Variants in IMMP2L observed in about 807,000 individuals in gnomAD.
IMMP2L encodes the protein mitochondrial inner membrane protease subunit 2.
A neutral mutation model predicts 19.3 loss-of-function variants in IMMP2L; 18 were observed. The ratio of observed to expected loss-of-function variants is 0.93; its 90% CI spans 0.64 to 1.38. The LOEUF (loss-of-function observed/expected upper bound fraction) is 1.38. Among genes scored for constraint, IMMP2L ranks in the 40% most tolerant of loss-of-function variants. IMMP2L has a pLI of 0.00. For synonymous variants in IMMP2L, 76 were observed against 73.0 expected, an observed-to-expected ratio of 1.04 and a Z score of -0.21; for missense variants, 233 against 218.2, an observed-to-expected ratio of 1.07 and a Z score of -0.43.
chr7:110,730,715 C>T (rs1481039670), intron 5 of IMMP2L, among the ~76,000 whole-genome samples: 1 of 151,920 alleles, frequency 6.6e-6, no homozygotes, highest in Non-Finnish European at 1.5e-5. Context: ...TCAGTAGAGA[C>T]GGGGTTTCAC....
Position 111,049,420 on chromosome 7 carries a change from C to T in IMMP2L, c.240-85855G>A, listed in dbSNP as rs915839466. On this transcript the variant is annotated intron_variant, in intron 3 of 5. Coordinates refer to ENST00000405709, the MANE Select transcript of IMMP2L (RefSeq NM_032549.4). ...TGCTGGGATTACAGGCGTGAGCCAC[C>T]GCGCCCGGCCGATTTTTATGATACT... Among the ~76,000 whole-genome samples the T allele has an allele frequency of 2.0e-5, 3 of 151,880 alleles. No individual in the cohort carries two copies. In the South Asian group the frequency reaches 6.3e-4, roughly 32 times the overall value.
chr7:110,848,168 G>A (rs1563022054), intron 5 of IMMP2L, among the ~76,000 whole-genome samples: 5 of 152,062 alleles, frequency 3.3e-5, no homozygotes. Flanking sequence ...ATGTCTGATA[G>A]AGAACTATTA....
In IMMP2L at chr7:110,925,039, T is replaced by C. The variant is rs149609692; in HGVS notation, c.306-38344A>G. Among the ~76,000 whole-genome samples the C allele has an allele frequency of 9.1e-4, 138 of 152,274 alleles. 2 individuals are homozygous for C. The highest frequency in any genetic ancestry group is 3.2e-3 in the African/African-American group (133 of 41,568). ...AAGAAAGATGTTCTTTTGAAACTTG[T>C]ATTGCTGGGGTGAAAAATGGAATCG... On this transcript the variant is annotated intron_variant, in intron 4 of 5. Transcript: ENST00000405709.
intron 3 of IMMP2L, among the ~76,000 whole-genome samples, chr7:111,050,143 C>T (rs2129572715): frequency 6.6e-6 from 1 of 152,312 alleles, no homozygotes; most frequent in East Asian, 1.9e-4. Context: ...AATAGGCATT[C>T]AATAAGCACT....
At chr7:110,823,688 A>T (rs1302939765) in intron 5 of IMMP2L, among the ~76,000 whole-genome samples, 1 of 152,068 alleles carries the variant, frequency 6.6e-6, no homozygotes, top group African/African-American at 2.4e-5. Context: ...ATATTTACTT[A>T]TTTGTCCTAG....
chr7:111,015,567 A>G (rs1456332719), intron 3 of IMMP2L, among the ~76,000 whole-genome samples: 1 of 152,152 alleles, frequency 6.6e-6, no homozygotes, highest in East Asian at 1.9e-4. Context: ...TTTTCACCAC[A>G]ATAGAAAAAA....
intron 3 of IMMP2L, among the ~76,000 whole-genome samples, chr7:111,351,957 G>A (rs114814050): frequency 0.013 from 1,995 of 152,260 alleles, 44 homozygotes; most frequent in African/African-American, 0.046. Context: ...TGAAAAAGAT[G>A]TTCATCTACT....
intron 3 of IMMP2L, among the ~76,000 whole-genome samples, chr7:111,451,276 G>T (rs539044642): frequency 0.014 from 2,113 of 149,392 alleles, 51 homozygotes; most frequent in African/African-American, 0.05. Flanking sequence ...TGTTTATTGC[G>T]GCATTATTCA....
At chr7:111,101,706 G>T (rs1012594546) in intron 3 of IMMP2L, among the ~76,000 whole-genome samples, 1 of 151,480 alleles carries the variant, frequency 6.6e-6, no homozygotes, top group Non-Finnish European at 1.5e-5. Flanking sequence ...AGAAGACTGA[G>T]AAGAGGGTAT....
chr7:111,336,900 T>C (rs996392976), intron 3 of IMMP2L, among the ~76,000 whole-genome samples: 2 of 151,940 alleles, frequency 1.3e-5, no homozygotes, highest in African/African-American at 4.8e-5. Context: ...GTAAAGTGGC[T>C]TAACAGAAAC....
intron 5 of IMMP2L, among the ~76,000 whole-genome samples, chr7:110,732,780 C>T (rs1267045344): frequency 6.6e-6 from 1 of 151,596 alleles, no homozygotes; most frequent in Non-Finnish European, 1.5e-5. Flanking sequence ...AAGGCTCAAG[C>T]ACAATGAATT....
intron 5 of IMMP2L, among the ~76,000 whole-genome samples, chr7:110,882,577 C>T (rs2129545094): frequency 6.6e-6 from 1 of 152,090 alleles, no homozygotes; most frequent in African/African-American, 2.4e-5. Context: ...GACAGGATTT[C>T]ACCATGTTGG....
chr7:111,502,998 C>CA (rs1412425474), intron 2 of IMMP2L, among the ~76,000 whole-genome samples: 2 of 150,624 alleles, frequency 1.3e-5, no homozygotes, highest in Admixed American at 6.6e-5. Flanking sequence ...AATAGAGACA[C>CA]AAAAAACCCT....
At chr7:110,957,784 A>C (rs1318983995) in intron 4 of IMMP2L, among the ~76,000 whole-genome samples, 1 of 151,922 alleles carries the variant, frequency 6.6e-6, no homozygotes, top group African/African-American at 2.4e-5. Context: ...TTAATTCATG[A>C]GTCTCTTCAA....
At chr7:111,291,429 T>G (rs1487214996) in intron 3 of IMMP2L, among the ~76,000 whole-genome samples, 1 of 152,206 alleles carries the variant, frequency 6.6e-6, no homozygotes, top group African/African-American at 2.4e-5. Context: ...CCATCCAGTC[T>G]TACTTTTGAC....
chr7:111,338,532 T>C (rs1200490120), intron 3 of IMMP2L, among the ~76,000 whole-genome samples: 3 of 152,120 alleles, frequency 2.0e-5, no homozygotes, highest in East Asian at 3.9e-4. Flanking sequence ...GTACACTTAA[T>C]AGTACAAGTT....
At chr7:111,157,322 C>T (rs1316037301) in intron 3 of IMMP2L, among the ~76,000 whole-genome samples, 1 of 152,042 alleles carries the variant, frequency 6.6e-6, no homozygotes, top group African/African-American at 2.4e-5. Flanking sequence ...TTGGAAGCAA[C>T]CTAAGTGTCC....
intron 3 of IMMP2L, among the ~76,000 whole-genome samples, chr7:111,262,049 A>G (rs1376979107): frequency 6.6e-6 from 1 of 152,080 alleles, no homozygotes; most frequent in Admixed American, 6.6e-5. Flanking sequence ...CAGCCAAGGT[A>G]GTGGTAGTAG....
At chr7:111,144,995 G>A (rs565323708) in intron 3 of IMMP2L, among the ~76,000 whole-genome samples, 1 of 152,218 alleles carries the variant, frequency 6.6e-6, no homozygotes, top group South Asian at 2.1e-4. Flanking sequence ...TCTAACCTGG[G>A]AGAGTTGAGC....
Sources: allele counts gnomAD v4.1 joint callset (sites outside exome capture counted in the v4.1 genomes callset), GRCh38; gene constraint gnomAD v4.1.1; transcripts MANE v1.5; gene names NCBI Gene and HGNC (gene_info 2026-07-23, HGNC 2026-07-21).